The following ARID1A variants were observed in gnomAD, a reference collection of about 807,000 sequenced individuals.
The protein encoded by ARID1A is AT-rich interaction domain 1A.
Under a neutral mutation model 212.6 loss-of-function variants are expected in ARID1A, and 20 were observed. The ratio of observed to expected loss-of-function variants is 0.09; its 90% CI spans 0.07 to 0.14. The LOEUF (loss-of-function observed/expected upper bound fraction) is 0.14. Among genes scored for constraint, ARID1A ranks in the 10% least tolerant of loss-of-function variants. ARID1A has a pLI of 1.00. For synonymous variants in ARID1A, 1,376 were observed against 1,222.1 expected, an observed-to-expected ratio of 1.13 and a Z score of -2.63; for missense variants, 2,587 against 3,059.0, an observed-to-expected ratio of 0.85 and a Z score of 3.64.
chr1:26,742,581 A>C (rs963829394), intron 4 of ARID1A, among the ~76,000 whole-genome samples: 1 of 152,158 alleles, frequency 6.6e-6, no homozygotes, highest in African/African-American at 2.4e-5. Flanking sequence ...GATTTATTGG[A>C]TCTAACTGTT....
intron 19 of ARID1A, among the ~76,000 whole-genome samples, chr1:26,776,521 C>T (rs190351041): frequency 2.0e-5 from 3 of 151,768 alleles, no homozygotes; most frequent in Admixed American, 2.0e-4. Flanking sequence ...GATCCAGCCG[C>T]CTCAGCCTCC....
chr1:26,710,488 AATAC>A (rs2080441116), intron 1 of ARID1A, among the ~76,000 whole-genome samples: 1 of 13,060 alleles, frequency 7.7e-5, no homozygotes, highest in African/African-American at 4.2e-4. Context: ...AAAATAAAAT[AATAC>A]ATACACACAC....
intron 1 of ARID1A, among the ~76,000 whole-genome samples, chr1:26,708,693 TTG>T (rs2080419385): frequency 6.6e-6 from 1 of 150,450 alleles, no homozygotes; most frequent in Non-Finnish European, 1.5e-5. Flanking sequence ...GCAGGGATTA[TTG>T]TCTTTTTTTT....
Position 26,696,346 on chromosome 1 carries a change from AG to A in ARID1A, c.-51del, listed in dbSNP as rs888239148. 1.8e-5 allele frequency: 15 copies of A among 814,034 alleles called. No homozygotes were observed. Among genetic ancestry groups the A allele is most frequent in the South Asian group, 1.2e-4 (2 of 16,062 alleles). 50.4% of individuals were successfully genotyped at this position (814,034 alleles called of 1,614,324 possible). On this transcript the variant is annotated 5_prime_UTR_variant, in exon 1 of 20. Transcript: ENST00000324856. ...GGACTGGGCCCCGGGGCGGGGTGGG[AG>A]GGGGGGAGAAGACGAAGACAGGGCC...
rs1253902052 is a variant in ARID1A, at chr1:26,696,585, C to T, written c.182C>T (p.Pro61Leu). The part of the protein sequence containing the change: ...KAAAGQESEG[P>L]AVGPPQPLGK... ...GCCGCCGGGCAGGAAAGCGAGGGCC[C>T]CGCCGTGGGGCCGCCGCAGCCGCTG... Residue 61 changes from proline (P) to leucine (L), a missense_variant, in exon 1 of 20, where the codon CCC becomes CTC. Physicochemically the swap from Pro to Leu is moderately conservative, Grantham distance 98. Around this residue, in one of 11 missense-constraint regions of ARID1A, gnomAD observed 735 missense variants for 590.6 expected, o/e 1.24. Coordinates refer to ENST00000324856, the MANE Select transcript of ARID1A (RefSeq NM_006015.6). 7 of 1,231,380 alleles carry T rather than the reference C, an allele frequency of 5.7e-6. No individual in the cohort carries two copies. The highest frequency in any genetic ancestry group is 7.1e-6 in the Non-Finnish European group (7 of 989,116). The allele number at this position is 1,231,380 out of a possible 1,614,324, so 76.3% of individuals were successfully genotyped here.
intron 4 of ARID1A, among the ~76,000 whole-genome samples, chr1:26,753,586 AAC>A: frequency 6.6e-6 from 1 of 152,228 alleles, no homozygotes; most frequent in Non-Finnish European, 1.5e-5. Context: ...ACACATTGGA[AAC>A]ACGTGAGGAA....
In ARID1A at chr1:26,732,737, A is replaced by G. The variant is rs2124792544; in HGVS notation, c.1865A>G (p.Lys622Arg). ...ASSAPSMTSS[K>R]GGQEDMNLSL... is the part of the protein sequence containing the mutation. Reference sequence around the variant, plus strand: ...TCAGCCCCCTCAATGACCTCCAGTAAGGGAGGGCAAGAAGATATGAACCTG... The same window carrying G: ...TCAGCCCCCTCAATGACCTCCAGTAGGGGAGGGCAAGAAGATATGAACCTG... Residue 622 changes from lysine to arginine, a missense_variant, in exon 4 of 20, where the codon AAG becomes AGG. Physicochemically the swap from Lys to Arg is conservative, Grantham distance 26. This residue lies in a region of ARID1A where 674 missense variants were observed against 813.4 expected (regional missense o/e 0.83). Transcript: ENST00000324856. The G allele has an allele frequency of 6.2e-7, 1 of 1,614,100 alleles. No homozygotes were observed. Among genetic ancestry groups the G allele is most frequent in the African/African-American group, 1.3e-5 (1 of 75,028 alleles).
At position 26,775,106 on chromosome 1, in the gene ARID1A, C is replaced by G. The variant is rs151074395; in HGVS notation, c.4879C>G (p.Pro1627Ala). 4.2e-4 allele frequency: 673 copies of G among 1,612,762 alleles called. 2 individuals carry two copies. The highest frequency in any genetic ancestry group is 5.1e-4 in the Non-Finnish European group (598 of 1,179,646). ...GPPVPASHIAPAPVQPPMIRR... is the reference protein window; with the variant it reads ...GPPVPASHIAAAPVQPPMIRR... ...CCCAGTACCTGCCTCGCACATAGCA[C>G]CTGCCCCTGTGCAGCCCCCCATGAT... is the stretch of plus-strand genomic sequence containing the variant. Residue 1627 changes from proline to alanine, a missense_variant, in exon 18 of 20, where the codon CCT becomes GCT. Coordinates refer to ENST00000324856, the MANE Select transcript of ARID1A (RefSeq NM_006015.6).
intron 1 of ARID1A, among the ~76,000 whole-genome samples, chr1:26,701,069 T>A (rs2080327477): frequency 6.6e-6 from 1 of 152,182 alleles, no homozygotes; most frequent in African/African-American, 2.4e-5. Context: ...GCATTAAACA[T>A]TAATATGTTG....
rs900841893 is a variant in ARID1A at position 26,696,502 on chromosome 1, G to A, written c.99G>A (p.Glu33=). ...AGAAAGCCGAGCAGCAGCAGCGGGAGGAGGCGGGGGGCGAGGCGGCGGCGG... is the reference window on the plus strand; with the variant it reads ...AGAAAGCCGAGCAGCAGCAGCGGGAAGAGGCGGGGGGCGAGGCGGCGGCGG... ...ELKKAEQQQR[E]EAGGEAAAAA... Residue 33 remains glutamate, a synonymous_variant, in exon 1 of 20, where the codon GAG becomes GAA. Transcript: ENST00000324856. 9.8e-6 allele frequency: 12 copies of A among 1,230,678 alleles called. No homozygotes were observed. The highest frequency in any genetic ancestry group is 3.1e-5 in the African/African-American group (2 of 63,500). The allele number at this position is 1,230,678 out of a possible 1,614,324, so 76.2% of individuals were successfully genotyped here.
chr1:26,744,703 G>A (rs2080820557), intron 4 of ARID1A, among the ~76,000 whole-genome samples: 1 of 152,168 alleles, frequency 6.6e-6, no homozygotes, highest in South Asian at 2.1e-4. Context: ...CTGAAGCCCA[G>A]GTGATACTTA....
chr1:26,774,735 A>G lies in ARID1A; in HGVS notation c.4508A>G (p.Asp1503Gly), dbSNP rs2124120007. The change falls in exon 18 of 20, where the codon GAC becomes GGC. Residue 1503 changes from aspartate (D) to glycine (G), a missense_variant. Asp to Gly is a moderately conservative substitution (Grantham distance 94). Around this residue, in one of 11 missense-constraint regions of ARID1A, gnomAD observed 890 missense variants for 1,098.2 expected, o/e 0.81. Transcript: ENST00000324856. This position sits in a 1 kb window ranked among gnomAD's most constrained non-coding sequence, Gnocchi z 5.6. Reference sequence around the variant, plus strand: ...GGCACCATGTGGCAGGGGCGTAATGACATGACCTATAATTATGCCAACAGG... The same window carrying G: ...GGCACCATGTGGCAGGGGCGTAATGGCATGACCTATAATTATGCCAACAGG... ...QQGTMWQGRN[D>G]MTYNYANRQS... The G allele has an allele frequency of 6.2e-7, 1 of 1,614,238 alleles. No individual in the cohort carries two copies.
rs116038271 is a variant in ARID1A at position 26,707,705 on chromosome 1, A to G, written c.1137+10165A>G. ...GAGTACTTATTATGTGCTAAGCATT[A>G]TGCTTAGTCCTCTTGATGAATTTCC... On this transcript the variant is annotated intron_variant, in intron 1 of 19. Transcript: ENST00000324856. Among the ~76,000 whole-genome samples the G allele has an allele frequency of 7.6e-3, 1,158 of 152,294 alleles. 20 individuals are homozygous for G. Among genetic ancestry groups the G allele is most frequent in the African/African-American group, 0.026 (1,088 of 41,564 alleles).
chr1:26,772,465 C>T (rs2081090875), intron 12 of ARID1A, 35 bp from the exon 13 acceptor site: 1 of 1,613,738 alleles, frequency 6.2e-7, no homozygotes, highest in East Asian at 2.2e-5. Context: ...ACTGTCATGC[C>T]AAGCAAACTA....
Position 26,779,347 on chromosome 1 carries a change from G to A in ARID1A, c.5449G>A (p.Val1817Ile), listed in dbSNP as rs375250508. ...SKFDKLPVKI[V>I]QKNDPFVVDC... ...GTTTGACAAGCTTCCAGTAAAGATCGTACAGAAGAATGATCCATTTGTGGT... is the reference window on the plus strand; with the variant it reads ...GTTTGACAAGCTTCCAGTAAAGATCATACAGAAGAATGATCCATTTGTGGT... The change falls in exon 20 of 20, where the codon GTA (valine) becomes ATA (isoleucine). Residue 1817 changes from valine (V) to isoleucine (I), a missense_variant. Coordinates refer to ENST00000324856, the MANE Select transcript of ARID1A (RefSeq NM_006015.6). The A allele has an allele frequency of 1.2e-4, 196 of 1,614,112 alleles. 1 individual carries two copies. Among genetic ancestry groups the A allele is most frequent in the Middle Eastern group, 9.9e-4 (6 of 6,084 alleles).
intron 1 of ARID1A, among the ~76,000 whole-genome samples, chr1:26,710,513 A>ACACACACACG (rs2080442526): frequency 3.3e-5 from 5 of 151,048 alleles, no homozygotes. Flanking sequence ...ACACACACAC[A>ACACACACACG]CACACACACA....
In ARID1A at chr1:26,771,633, G is replaced by T. The variant is rs983172134; in HGVS notation, c.3406+307G>T. 9.7e-6 allele frequency: 4 copies of T among 412,644 alleles called. No homozygotes were observed. The highest frequency in any genetic ancestry group is 8.0e-5 in the African/African-American group (4 of 49,858). The allele number at this position is 412,644 out of a possible 1,614,324, so 25.6% of individuals were successfully genotyped here. The stretch of plus-strand genomic sequence containing the variant: ...GGTGGAACTTATAAATGGCAGCAAG[G>T]CAGGGCCATCTGGGAGCTTTGGCCT... On this transcript the variant is annotated intron_variant, in intron 12 of 19. Transcript: ENST00000324856. This position sits in a 1 kb window ranked among gnomAD's most constrained non-coding sequence, Gnocchi z 5.4.
chr1:26,726,086 C>A (rs930103644), intron 1 of ARID1A, among the ~76,000 whole-genome samples: 6 of 151,628 alleles, frequency 4.0e-5, no homozygotes, highest in African/African-American at 4.8e-5. Flanking sequence ...AACTCCTGAC[C>A]TCAAGTGATT....
At chr1:26,767,065 G>T (rs1302782026) in intron 10 of ARID1A, among the ~76,000 whole-genome samples, 1 of 152,128 alleles carries the variant, frequency 6.6e-6, no homozygotes, top group Non-Finnish European at 1.5e-5. Flanking sequence ...TAGGCTGTGC[G>T]GTAGTAAAGG....
Sources: gnomAD v4.1 joint callset for allele counts (sites outside exome capture counted in the v4.1 genomes callset) on GRCh38, gnomAD v4.1.1 for gene constraint, gnomAD v4.1.1 regional missense constraint, Gnocchi (gnomAD v3.1) non-coding constraint, MANE v1.5 for transcripts, NCBI Gene and HGNC (gene_info 2026-07-23, HGNC 2026-07-21) for gene names.